GSPT1: variants seen among roughly 807,000 people sequenced by gnomAD.
GSPT1 encodes the protein eukaryotic peptide chain release factor GTP-binding subunit ERF3A.
A neutral mutation model predicts 72.5 loss-of-function variants in GSPT1; 20 were observed. The observed-to-expected ratio is 0.28, with a 90% CI of 0.19 to 0.40. The LOEUF (loss-of-function observed/expected upper bound fraction) is 0.40. Ranked by LOEUF, GSPT1 falls within the 10% of genes least tolerant of loss-of-function variation. The pLI, the probability that GSPT1 is intolerant of heterozygous loss-of-function variation, is 1.00. For missense variants in GSPT1, 580 were observed against 811.9 expected, an observed-to-expected ratio of 0.71 and a Z score of 3.47; for synonymous variants, 334 against 293.5, an observed-to-expected ratio of 1.14 and a Z score of -1.41.
chr16:11,906,848 T>A (rs1034420569), intron 1 of GSPT1, among the ~76,000 whole-genome samples: 32 of 152,184 alleles, frequency 2.1e-4, no homozygotes, highest in Non-Finnish European at 1.9e-4. Context: ...TGAATTTTTT[T>A]AATGTAAATC....
Position 11,887,740 on chromosome 16 carries a change from A to G in GSPT1, c.787T>C (p.Trp263Arg). The change falls in exon 7 of 15, where the codon TGG (tryptophan) becomes CGG (arginine). Residue 263 changes from tryptophan to arginine, a missense_variant. Physicochemically the swap from Trp to Arg is moderately radical, Grantham distance 101. This residue lies in a region of GSPT1 where 51 missense variants were observed against 118.2 expected (regional missense o/e 0.43). Coordinates refer to ENST00000434724, the MANE Select transcript of GSPT1 (RefSeq NM_002094.4). ...TCTTCCTGATTTGTGTCTAAGGCCCAAGACAAGTACCTGAAATAATTTTTA... is the reference window on the plus strand; with the variant it reads ...TCTTCCTGATTTGTGTCTAAGGCCCGAGACAAGTACCTGAAATAATTTTTA... ...EKNRETWYLSWALDTNQEERD... is the reference protein window; with the variant it reads ...EKNRETWYLSRALDTNQEERD... The G allele has an allele frequency of 6.3e-7, 1 of 1,599,668 alleles. No homozygotes were observed. Among genetic ancestry groups the G allele is most frequent in the Non-Finnish European group, 8.5e-7 (1 of 1,172,336 alleles).
At chr16:11,910,569 G>A (rs71385111) in intron 1 of GSPT1, among the ~76,000 whole-genome samples, 433 of 152,252 alleles carry the variant, frequency 2.8e-3, no homozygotes, top group South Asian at 9.8e-3. Flanking sequence ...CAACCCAGAA[G>A]GTTATCAAAT....
intron 5 of GSPT1, among the ~76,000 whole-genome samples, chr16:11,892,506 C>CAAAAAAAAAAAAAAAAAAAAAAAA (rs777010436): frequency 3.3e-5 from 2 of 60,260 alleles, no homozygotes; most frequent in Middle Eastern, 9.8e-3. Context: ...GACCCTTTCT[C>CAAAAAAAAAAAAAAAAAAAAAAAA]AAAAAAACAA....
In GSPT1 at chr16:11,868,163, C is replaced by G. The variant is rs1026510846; in HGVS notation, c.*4956G>C. ...AAGATGACAACTTTTATTGTTATTACAAAAGCAAATTTAATTTGTCATTTG... is the reference window on the plus strand; with the variant it reads ...AAGATGACAACTTTTATTGTTATTAGAAAAGCAAATTTAATTTGTCATTTG... On this transcript the variant is annotated 3_prime_UTR_variant, in exon 15 of 15. Coordinates refer to ENST00000434724, the MANE Select transcript of GSPT1 (RefSeq NM_002094.4). 1.3e-5 allele frequency: 2 copies of G among 152,138 alleles called. No individual in the cohort carries two copies. Among genetic ancestry groups the G allele is most frequent in the Admixed American group, 6.6e-5 (1 of 15,264 alleles). 9.4% of individuals were successfully genotyped at this position (152,138 alleles called of 1,614,324 possible). A position where few individuals can be genotyped will look rare whatever the true frequency, so the allele number is the denominator to read the frequency against.
chr16:11,915,687 C>A lies in GSPT1; in HGVS notation c.34G>T (p.Gly12Cys), dbSNP rs1238851193. Residue 12 changes from glycine to cysteine, a missense_variant, in exon 1 of 15, where the codon GGC (glycine) becomes TGC (cysteine). This residue lies in a region of GSPT1 where 327 missense variants were observed against 298.8 expected (regional missense o/e 1.09). Transcript: ENST00000434724. ...CCGCTGCTGCTCCCGCCGCCGCCGC[C>A]GCCGCCGCCGCCGCCGCCACTGCCC... ...DPGSGGGGGGGGGGGSSSGSS... is the reference protein window; with the variant it reads ...DPGSGGGGGGCGGGGSSSGSS... 4.7e-6 allele frequency: 7 copies of A among 1,482,590 alleles called. No individual in the cohort carries two copies. The highest frequency in any genetic ancestry group is 5.4e-6 in the Non-Finnish European group (6 of 1,121,458). 91.8% of individuals were successfully genotyped at this position (1,482,590 alleles called of 1,614,324 possible).
intron 1 of GSPT1, among the ~76,000 whole-genome samples, chr16:11,905,482 C>A (rs1235713440): frequency 6.6e-6 from 1 of 152,168 alleles, no homozygotes; most frequent in Non-Finnish European, 1.5e-5. Flanking sequence ...CCATCCCCTA[C>A]CCTGAAGGGC....
intron 1 of GSPT1, among the ~76,000 whole-genome samples, chr16:11,912,361 AAC>A (rs1205384236): frequency 1.3e-5 from 2 of 151,432 alleles, no homozygotes; most frequent in Non-Finnish European, 3.0e-5. Context: ...AAAAAAAAAA[AAC>A]AAAAAAAAAA....
chr16:11,913,578 G>A (rs33623), intron 1 of GSPT1, among the ~76,000 whole-genome samples: 69,877 of 152,014 alleles, frequency 0.46, 17,451 homozygotes, highest in East Asian at 0.77. Flanking sequence ...GGTTATCCCC[G>A]GATGACTCGC....
chr16:11,912,653 C>G (rs922167690), intron 1 of GSPT1, among the ~76,000 whole-genome samples: 2 of 152,136 alleles, frequency 1.3e-5, no homozygotes, highest in Admixed American at 6.5e-5. Context: ...AATTACTAAA[C>G]CAGTTTCTTA....
intron 4 of GSPT1, among the ~76,000 whole-genome samples, chr16:11,896,314 A>G (rs2054337913): frequency 6.6e-6 from 1 of 152,228 alleles, no homozygotes; most frequent in African/African-American, 2.4e-5. Context: ...GACTAATTAT[A>G]TGTTACGTAC....
chr16:11,915,625 G>A lies in GSPT1; in HGVS notation c.96C>T (p.Asp32=). Residue 32 remains aspartate (D), a synonymous_variant, in exon 1 of 15, where the codon GAC becomes GAT. Coordinates refer to ENST00000434724, the MANE Select transcript of GSPT1 (RefSeq NM_002094.4). The part of the protein sequence containing the change: ...SSSDSAPDCW[D]QADMEAPGPG... ...GCCCGGGGGCTTCCATGTCCGCCTG[G>A]TCCCAGCAGTCAGGCGCCGAGTCGC... The A allele has an allele frequency of 2.7e-6, 4 of 1,494,994 alleles. No individual in the cohort carries two copies. Among genetic ancestry groups the A allele is most frequent in the Non-Finnish European group, 3.5e-6 (4 of 1,127,148 alleles). 92.6% of individuals were successfully genotyped at this position (1,494,994 alleles called of 1,614,324 possible). A position where few individuals can be genotyped will look rare whatever the true frequency, so the allele number is the denominator to read the frequency against.
At chr16:11,873,973 C>G (rs558117660) in intron 14 of GSPT1, among the ~76,000 whole-genome samples, 35 of 152,234 alleles carry the variant, frequency 2.3e-4, no homozygotes, top group African/African-American at 8.4e-4. Context: ...TTCAGTGATA[C>G]AAAGGAATAA....
Position 11,877,638 on chromosome 16 carries a change from A to C in GSPT1, c.1429-58T>G. The C allele has an allele frequency of 9.7e-7, 1 of 1,032,016 alleles. No individual in the cohort carries two copies. Among genetic ancestry groups the C allele is most frequent in the Non-Finnish European group, 1.4e-6 (1 of 718,520 alleles). The allele number at this position is 1,032,016 out of a possible 1,614,324, so 63.9% of individuals were successfully genotyped here. On this transcript the variant is annotated intron_variant, in intron 11 of 14. Coordinates refer to ENST00000434724, the MANE Select transcript of GSPT1 (RefSeq NM_002094.4). This position sits in a 1 kb window ranked among gnomAD's most constrained non-coding sequence, Gnocchi z 4.0. Reference sequence around the variant, plus strand: ...ACACATTCACTGCATTACGCAACATAAAATGATCTGAATGTCTGTCTGCTC... The same window carrying C: ...ACACATTCACTGCATTACGCAACATCAAATGATCTGAATGTCTGTCTGCTC...
chr16:11,915,918 G>A lies in GSPT1; in HGVS notation c.-198C>T, dbSNP rs745710359. On this transcript the variant is annotated 5_prime_UTR_variant, in exon 1 of 15. Coordinates refer to ENST00000434724, the MANE Select transcript of GSPT1 (RefSeq NM_002094.4). ...CACTCGCGACGACGACAGAGGCGGC[G>A]GCGGCGGCAGCTCAACCCTCCTCCT... 9 of 807,878 alleles carry A rather than the reference G, an allele frequency of 1.1e-5. No homozygotes were observed. The highest frequency in any genetic ancestry group is 1.5e-5 in the Non-Finnish European group (7 of 464,776). 50.0% of individuals were successfully genotyped at this position (807,878 alleles called of 1,614,324 possible).
chr16:11,915,076 A>T, intron 1 of GSPT1: 1 of 1,291,474 alleles, frequency 7.7e-7, no homozygotes, highest in Non-Finnish European at 1.0e-6. Flanking sequence ...TACGGTTCCC[A>T]TCTCAAGTGG....
At chr16:11,892,507 A>AAAAAG (rs2054274762) in intron 5 of GSPT1, among the ~76,000 whole-genome samples, 1 of 75,208 alleles carries the variant, frequency 1.3e-5, no homozygotes, top group Non-Finnish European at 2.5e-5. Context: ...ACCCTTTCTC[A>AAAAAG]AAAAAACAAA....
intron 6 of GSPT1, among the ~76,000 whole-genome samples, 182 bp from the exon 7 acceptor site, chr16:11,887,932 A>G (rs2054204328): frequency 6.6e-6 from 1 of 152,144 alleles, no homozygotes; most frequent in Non-Finnish European, 1.5e-5. Context: ...TGGGAGGCCA[A>G]GGCGGCGGAT....
At chr16:11,911,022 G>A (rs1171868392) in intron 1 of GSPT1, among the ~76,000 whole-genome samples, 1 of 152,174 alleles carries the variant, frequency 6.6e-6, no homozygotes, top group Non-Finnish European at 1.5e-5. Flanking sequence ...GTTTACTACT[G>A]TGATACTCCA....
intron 1 of GSPT1, among the ~76,000 whole-genome samples, chr16:11,911,923 C>T (rs2054564031): frequency 8.2e-6 from 1 of 121,928 alleles, no homozygotes; most frequent in African/African-American, 3.0e-5. Context: ...TTTATGGAGG[C>T]CTCAGGCAAT....
Sources: allele counts gnomAD v4.1 joint callset (sites outside exome capture counted in the v4.1 genomes callset), GRCh38; gene constraint gnomAD v4.1.1; regional missense constraint gnomAD v4.1.1; non-coding constraint Gnocchi (gnomAD v3.1); transcripts MANE v1.5; gene names NCBI Gene and HGNC (gene_info 2026-07-23, HGNC 2026-07-21).